The following CCL13 variants were observed in gnomAD, a reference collection of about 807,000 sequenced individuals.
The protein encoded by CCL13 is C-C motif chemokine ligand 13, also known as C-C motif chemokine 13.
CCL13 carries 5 observed loss-of-function variants against 6.6 expected under a neutral mutation model. The ratio of observed to expected loss-of-function variants is 0.76; its 90% CI spans 0.40 to 1.60. The LOEUF is 1.60. Among genes scored for constraint, CCL13 ranks in the 40% most tolerant of loss-of-function variants. CCL13 has a pLI of 0.02. For missense variants in CCL13, 117 were observed against 114.2 expected (o/e 1.02, Z -0.11); for synonymous variants, 39 against 43.0 (o/e 0.91, Z 0.37).
intron 2 of CCL13, 116 bp from the exon 3 acceptor site, chr17:34,357,910 G>A: frequency 1.5e-6 from 1 of 670,406 alleles, no homozygotes; most frequent in East Asian, 2.7e-5. Context: ...TGTCCTGGAG[G>A]GGTGCCCCTT....
At chr17:34,357,937 A>C in intron 2 of CCL13, 89 bp from the exon 3 acceptor site, 1 of 865,068 alleles carries the variant, frequency 1.2e-6, no homozygotes, top group Non-Finnish European at 1.9e-6. Context: ...TAGTAGGTGG[A>C]CCAGGCAGGT....
At chr17:34,357,398 C>A in intron 1 of CCL13, 77 bp from the exon 2 acceptor site, 1 of 942,070 alleles carries the variant, frequency 1.1e-6, no homozygotes, top group Non-Finnish European at 1.7e-6. Context: ...GCATCCCATA[C>A]AGATGCTCCC....
At chr17:34,357,689 CT>C (rs1360121198) in intron 2 of CCL13, 100 bp downstream of exon 2, 116 of 771,110 alleles carry the variant, frequency 1.5e-4, no homozygotes, top group Non-Finnish European at 2.3e-4. Context: ...GACTTGAGAT[CT>C]TAGGATGAGA....
chr17:34,357,641 C>A, intron 2 of CCL13, 52 bp downstream of exon 2: 1 of 1,094,562 alleles, frequency 9.1e-7, no homozygotes, highest in Non-Finnish European at 1.4e-6. Context: ...CCACATTCCC[C>A]AATCCAAAGT....
Position 34,357,506 on chromosome 17 carries a change from C to T in CCL13, c.108C>T (p.Phe36=), listed in dbSNP as rs778969931. The change falls in exon 2 of 3, where the codon TTC becomes TTT. Residue 36 remains phenylalanine (F), a synonymous_variant. Transcript: ENST00000225844. ...DALNVPSTCC[F]TFSSKKISLQ... is the part of the protein sequence containing the mutation. The stretch of plus-strand genomic sequence containing the variant: ...TCAACGTCCCATCTACTTGCTGCTT[C>T]ACATTTAGCAGTAAGAAGATCTCCT... The T allele has an allele frequency of 5.0e-6, 8 of 1,612,986 alleles. No homozygotes were observed. Among genetic ancestry groups the T allele is most frequent in the Non-Finnish European group, 6.8e-6 (8 of 1,178,996 alleles).
intron 2 of CCL13, 142 bp from the exon 3 acceptor site, chr17:34,357,884 C>T (rs935371561): frequency 1.6e-6 from 1 of 623,014 alleles, no homozygotes; most frequent in Admixed American, 3.0e-5. Flanking sequence ...CTTCTGTCCA[C>T]ACACCTCCTA....
chr17:34,358,346 T>C lies in CCL13; in HGVS notation c.*215T>C. 1 of 537,384 alleles carries C rather than the reference T, an allele frequency of 1.9e-6. No individual in the cohort carries two copies. The highest frequency in any genetic ancestry group is 3.3e-6 in the Non-Finnish European group (1 of 303,088). The allele number at this position is 537,384 out of a possible 1,614,324, so 33.3% of individuals were successfully genotyped here. A position where few individuals can be genotyped will look rare whatever the true frequency, so the allele number is the denominator to read the frequency against. On this transcript the variant is annotated 3_prime_UTR_variant, in exon 3 of 3. Transcript: ENST00000225844. ...GTTTATTTGAGTATTGCTGATCTTT[T>C]CTAAAGCAAGGCCTTGAGCAAGTAG...
intron 1 of CCL13, 82 bp downstream of exon 1, chr17:34,356,684 CT>C (rs923484645): frequency 1.1e-3 from 1,059 of 925,644 alleles, no homozygotes; most frequent in South Asian, 1.4e-3. Flanking sequence ...TGCTCCTCCA[CT>C]TTTTTTTTAG....
Position 34,358,116 on chromosome 17 carries a change from C to T in CCL13, c.282C>T (p.His94=). The part of the protein sequence containing the change: ...NYMKHLGRKA[H]TLKT ...TGAAACACCTGGGCCGGAAAGCTCA[C>T]ACCCTGAAGACTTGAACTCTGCTAC... The change falls in exon 3 of 3, where the codon CAC becomes CAT. Residue 94 remains histidine (H), a synonymous_variant. Coordinates refer to ENST00000225844, the MANE Select transcript of CCL13 (RefSeq NM_005408.3). 6.2e-7 allele frequency: 1 copy of T among 1,613,248 alleles called. No individual in the cohort carries two copies. The highest frequency in any genetic ancestry group is 8.5e-7 in the Non-Finnish European group (1 of 1,179,186).
Position 34,357,484 on chromosome 17 carries a change from A to G in CCL13, c.86A>G (p.Asn29Ser), listed in dbSNP as rs34566308. The G allele has an allele frequency of 1.7e-3, 2,778 of 1,608,766 alleles. 29 individuals carry two copies. The African/African-American group carries it at 0.031, about 18-fold the overall frequency. The change falls in exon 2 of 3, where the codon AAC (asparagine) becomes AGC (serine). Residue 29 changes from asparagine to serine, a missense_variant. Transcript: ENST00000225844. ...PQGLAQPDAL[N>S]VPSTCCFTFS... ...TTGTAACTATTTCTAGATGCACTCA[A>G]CGTCCCATCTACTTGCTGCTTCACA...
At chr17:34,357,157 T>A (rs1421442353) in intron 1 of CCL13, among the ~76,000 whole-genome samples, 2 of 152,196 alleles carry the variant, frequency 1.3e-5, no homozygotes, top group African/African-American at 2.4e-5. Flanking sequence ...TTAGGGCCTT[T>A]TCTTTGACCT....
At chr17:34,356,690 T>G (rs1271933587) in intron 1 of CCL13, 88 bp downstream of exon 1, 2 of 907,056 alleles carry the variant, frequency 2.2e-6, no homozygotes, top group East Asian at 5.0e-5. Context: ...TCCACTTTTT[T>G]TTTAGATTGA....
intron 1 of CCL13, 44 bp from the exon 2 acceptor site, chr17:34,357,431 G>A (rs1370166733): frequency 4.5e-6 from 6 of 1,322,758 alleles, no homozygotes; most frequent in Non-Finnish European, 6.5e-6. Flanking sequence ...GCTGAGAAAA[G>A]CCTAACACAT....
At chr17:34,357,241 C>A (rs554063990) in intron 1 of CCL13, among the ~76,000 whole-genome samples, 132 of 152,228 alleles carry the variant, frequency 8.7e-4, no homozygotes, top group Non-Finnish European at 2.6e-4. Flanking sequence ...CCCGTGGCCT[C>A]CCCTAGATGG....
Position 34,358,414 on chromosome 17 carries a change from G to C in CCL13, c.*283G>C. 1.8e-5 allele frequency: 7 copies of C among 398,060 alleles called. No individual in the cohort carries two copies. Among genetic ancestry groups the C allele is most frequent in the South Asian group, 1.5e-4 (6 of 39,100 alleles). 24.7% of individuals were successfully genotyped at this position (398,060 alleles called of 1,614,324 possible). On this transcript the variant is annotated 3_prime_UTR_variant, in exon 3 of 3. Coordinates refer to ENST00000225844, the MANE Select transcript of CCL13 (RefSeq NM_005408.3). ...CCCTTCCCTTCCACTATGAGCTGCTGGCAGTGGGTTTGTATTCGGTTCCCA... is the reference window on the plus strand; with the variant it reads ...CCCTTCCCTTCCACTATGAGCTGCTCGCAGTGGGTTTGTATTCGGTTCCCA...
At chr17:34,356,881 G>A (rs527989203) in intron 1 of CCL13, among the ~76,000 whole-genome samples, 42 of 152,202 alleles carry the variant, frequency 2.8e-4, no homozygotes, top group Admixed American at 2.7e-3. Context: ...CACTATGTTG[G>A]CCAGGCTGGT....
In CCL13 at chr17:34,358,176, CTT is replaced by C; in HGVS notation, c.*48_*49del. Reference sequence around the variant, plus strand: ...AATCAAGCTGGAGTACGTGAAATGACTTTTCCATTCTCCTCTGGCCTCCTCTT... The same window carrying C: ...AATCAAGCTGGAGTACGTGAAATGACTTCCATTCTCCTCTGGCCTCCTCTT... On this transcript the variant is annotated 3_prime_UTR_variant, in exon 3 of 3. Coordinates refer to ENST00000225844, the MANE Select transcript of CCL13 (RefSeq NM_005408.3). 7.7e-7 allele frequency: 1 copy of C among 1,304,712 alleles called. No individual in the cohort carries two copies. Among genetic ancestry groups the C allele is most frequent in the Non-Finnish European group, 1.1e-6 (1 of 900,630 alleles). 80.8% of individuals were successfully genotyped at this position (1,304,712 alleles called of 1,614,324 possible).
At chr17:34,357,798 C>T (rs1910391401) in intron 2 of CCL13, among the ~76,000 whole-genome samples, 1 of 152,220 alleles carries the variant, frequency 6.6e-6, no homozygotes, top group Non-Finnish European at 1.5e-5. Context: ...TGGATGGGCA[C>T]CAGCCCACAC....
At chr17:34,357,988 GGTT>G in intron 2 of CCL13, 35 bp from the exon 3 acceptor site, 2 of 1,459,566 alleles carry the variant, frequency 1.4e-6, no homozygotes, top group Non-Finnish European at 1.9e-6. Context: ...ACCCTCAAAG[GGTT>G]CCATCTAACT....
Sources: gnomAD v4.1 joint callset for allele counts (sites outside exome capture counted in the v4.1 genomes callset) on GRCh38, gnomAD v4.1.1 for gene constraint, MANE v1.5 for transcripts, NCBI Gene and HGNC (gene_info 2026-07-23, HGNC 2026-07-21) for gene names.